The following HPSE2 variants were observed in gnomAD, a reference collection of about 807,000 sequenced individuals.
HPSE2 encodes the protein inactive heparanase-2.
A neutral mutation model predicts 60.5 loss-of-function variants in HPSE2; 38 were observed. The observed-to-expected ratio is 0.63, with a 90% CI of 0.48 to 0.82. The LOEUF (loss-of-function observed/expected upper bound fraction) is 0.82. Ranked by LOEUF, HPSE2 falls within the 40% of genes least tolerant of loss-of-function variation. The probability of loss-of-function intolerance (pLI) is 0.00; values close to 1 mark genes in which losing one functional copy is unlikely to be tolerated. For synonymous variants in HPSE2, 295 were observed against 293.2 expected, an observed-to-expected ratio of 1.01 and a Z score of -0.06; for missense variants, 713 against 740.4, an observed-to-expected ratio of 0.96 and a Z score of 0.43.
chr10:99,247,922 T>G, the HPSE2 span, among the ~76,000 whole-genome samples: 2 of 152,236 alleles, frequency 1.3e-5, no homozygotes, highest in Non-Finnish European at 1.5e-5. Flanking sequence ...CATGCCTACT[T>G]CCACTTCTGC....
chr10:98,668,675 C>T (rs1215567641), intron 6 of HPSE2, among the ~76,000 whole-genome samples: 1 of 152,076 alleles, frequency 6.6e-6, no homozygotes, highest in Non-Finnish European at 1.5e-5. Context: ...CCTATTCAAT[C>T]AACGGTGCTG....
Position 98,935,279 on chromosome 10 carries a change from C to CT in HPSE2, c.611-191224dup, listed in dbSNP as rs923122057. ...GTTATTACCCACTTTCTAAAGCCTA[C>CT]TTCTGTCAGTTCATCCATCTCAGCT... On this transcript the variant is annotated intron_variant, in intron 3 of 11. Transcript: ENST00000370552. 1.0e-4 allele frequency among the ~76,000 whole-genome samples: 15 copies of CT among 142,990 alleles called. 3 individuals are homozygous for CT. Among genetic ancestry groups the CT allele is most frequent in the African/African-American group, 4.3e-4 (15 of 34,878 alleles). The allele number at this position is 142,990 out of a possible 152,430, so 93.8% of individuals were successfully genotyped here.
intron 3 of HPSE2, among the ~76,000 whole-genome samples, chr10:98,991,051 TA>T (rs1956511411): frequency 6.6e-6 from 1 of 152,190 alleles, no homozygotes; most frequent in Admixed American, 6.5e-5. Flanking sequence ...ACCATTTCCC[TA>T]ATGTGAAGTG....
intron 3 of HPSE2, among the ~76,000 whole-genome samples, chr10:99,068,948 G>A (rs1287643558): frequency 6.6e-6 from 1 of 152,118 alleles, no homozygotes; most frequent in African/African-American, 2.4e-5. Flanking sequence ...GACCTATAAT[G>A]AGTAAAGATT....
intron 3 of HPSE2, chr10:99,013,135 G>C (rs1367036610): frequency 1.5e-6 from 1 of 671,262 alleles, no homozygotes; most frequent in Non-Finnish European, 2.8e-6. Context: ...AACCATTCAA[G>C]TCCTTGGCAC....
chr10:99,122,611 AATAG>A (rs1228448601), intron 3 of HPSE2, among the ~76,000 whole-genome samples: 1 of 108,028 alleles, frequency 9.3e-6, no homozygotes, highest in Admixed American at 9.2e-5. Context: ...ATTTAATAAG[AATAG>A]AAAGAAAATT....
intron 9 of HPSE2, among the ~76,000 whole-genome samples, chr10:98,552,932 T>G (rs1323892284): frequency 6.6e-6 from 1 of 152,182 alleles, no homozygotes; most frequent in African/African-American, 2.4e-5. Flanking sequence ...GGTCAAGACA[T>G]CTCTGACTCT....
At chr10:99,101,996 T>A (rs9664196) in intron 3 of HPSE2, among the ~76,000 whole-genome samples, 30 of 151,984 alleles carry the variant, frequency 2.0e-4, no homozygotes, top group African/African-American at 7.0e-4. Flanking sequence ...TGTGTAGAGG[T>A]AAATTTATAG....
At chr10:99,195,287 C>T (rs1848355063) in intron 2 of HPSE2, among the ~76,000 whole-genome samples, 1 of 151,822 alleles carries the variant, frequency 6.6e-6, no homozygotes, top group South Asian at 2.1e-4. Context: ...ATGGGCCTTT[C>T]CTCTAAGATC....
chr10:98,481,935 T>G (rs894005559), intron 11 of HPSE2, among the ~76,000 whole-genome samples: 2 of 152,182 alleles, frequency 1.3e-5, no homozygotes, highest in East Asian at 3.9e-4. Context: ...TTGTTTTGTT[T>G]GTAGAGATCC....
At chr10:98,853,235 A>T (rs1952226064) in intron 3 of HPSE2, among the ~76,000 whole-genome samples, 1 of 152,186 alleles carries the variant, frequency 6.6e-6, no homozygotes, top group South Asian at 2.1e-4. Flanking sequence ...AATTTCCAGC[A>T]TTTGTGAGGG....
intron 7 of HPSE2, among the ~76,000 whole-genome samples, chr10:98,633,165 T>C (rs941199771): frequency 6.6e-6 from 1 of 152,164 alleles, no homozygotes; most frequent in African/African-American, 2.4e-5. Context: ...TAAATATATT[T>C]TCTCTTTCTT....
chr10:99,252,419 A>G, the HPSE2 span, among the ~76,000 whole-genome samples: 4 of 152,330 alleles, frequency 2.6e-5, no homozygotes, highest in East Asian at 1.9e-4. Context: ...ATTCATAGAA[A>G]ACCCTAAAGA....
intron 2 of HPSE2, among the ~76,000 whole-genome samples, chr10:99,216,188 C>CTTT (rs550046406): frequency 0.021 from 2,073 of 97,638 alleles, 266 homozygotes; most frequent in African/African-American, 0.067. Flanking sequence ...ATAACCTAAA[C>CTTT]TTTTTTTTTT....
At chr10:98,867,359 A>C (rs1952614791) in intron 3 of HPSE2, among the ~76,000 whole-genome samples, 1 of 152,206 alleles carries the variant, frequency 6.6e-6, no homozygotes, top group Admixed American at 6.5e-5. Flanking sequence ...CATTTCTGAA[A>C]AGAAGTCATA....
At chr10:98,938,137 G>A (rs1408743714) in intron 3 of HPSE2, among the ~76,000 whole-genome samples, 2 of 143,586 alleles carry the variant, frequency 1.4e-5, no homozygotes, top group East Asian at 4.0e-4. Flanking sequence ...CAAAGATGGG[G>A]AAAAAACAGA....
At chr10:99,196,601 A>AT (rs1209752105) in intron 2 of HPSE2, among the ~76,000 whole-genome samples, 2 of 152,240 alleles carry the variant, frequency 1.3e-5, no homozygotes, top group Non-Finnish European at 2.9e-5. Flanking sequence ...GCAAACAGGC[A>AT]TATGAAAAGG....
chr10:99,195,690 T>C (rs941152138), intron 2 of HPSE2, among the ~76,000 whole-genome samples: 3 of 152,020 alleles, frequency 2.0e-5, no homozygotes, highest in Non-Finnish European at 1.5e-5. Flanking sequence ...CTATAAAACA[T>C]TGATGAAAGG....
intron 3 of HPSE2, among the ~76,000 whole-genome samples, chr10:98,955,970 G>C (rs892095136): frequency 2.6e-5 from 4 of 152,006 alleles, no homozygotes; most frequent in Non-Finnish European, 5.9e-5. Flanking sequence ...TGAAGGGGAG[G>C]GAGAGCATCA....
Sources: allele counts gnomAD v4.1 joint callset (sites outside exome capture counted in the v4.1 genomes callset), GRCh38; gene constraint gnomAD v4.1.1; transcripts MANE v1.5; gene names NCBI Gene and HGNC (gene_info 2026-07-23, HGNC 2026-07-21).